NIPBL: variants seen among roughly 807,000 people sequenced by gnomAD.
NIPBL encodes nipped-B-like protein.
Under a neutral mutation model 321.8 loss-of-function variants are expected in NIPBL, and 19 were observed. The observed-to-expected ratio is 0.06, with a 90% CI of 0.04 to 0.09. NIPBL has a LOEUF of 0.09. NIPBL is among the 10% of genes least tolerant of loss of function. NIPBL has a pLI of 1.00. For missense variants in NIPBL, 2,210 were observed against 3,327.0 expected, an observed-to-expected ratio of 0.66 and a Z score of 8.26; for synonymous variants, 1,106 against 1,114.1, an observed-to-expected ratio of 0.99 and a Z score of 0.14.
chr5:37,020,467 T>C lies in NIPBL; in HGVS notation c.5019T>C (p.Arg1673=). 1.2e-6 allele frequency: 2 copies of C among 1,611,354 alleles called. No individual in the cohort carries two copies. The highest frequency in any genetic ancestry group is 2.2e-5 in the South Asian group (2 of 90,994). Residue 1673 remains arginine, a synonymous_variant, in exon 26 of 47, where the codon CGT becomes CGC. Coordinates refer to ENST00000282516, the MANE Select transcript of NIPBL (RefSeq NM_133433.4). ...TETDPSLVFS[R]KFYIAQWFRD... ...GTCTAATTTCTTTCCAGTTTTCTCG[T>C]AAATTCTATATAGCCCAGTGGTTTC... is the stretch of plus-strand genomic sequence containing the variant.
chr5:36,994,458 A>G (rs1453490700), intron 10 of NIPBL, among the ~76,000 whole-genome samples: 1 of 152,178 alleles, frequency 6.6e-6, no homozygotes, highest in Non-Finnish European at 1.5e-5. Flanking sequence ...TATCGTCTTA[A>G]TATTCTTGAT....
intron 7 of NIPBL, 31 bp from the exon 8 acceptor site, chr5:36,971,914 T>G: frequency 6.3e-7 from 1 of 1,590,330 alleles, no homozygotes; most frequent in South Asian, 1.1e-5. Flanking sequence ...CTCCTGTCAT[T>G]CAAAAGATAA....
intron 1 of NIPBL, among the ~76,000 whole-genome samples, chr5:36,945,057 T>C (rs1341741518): frequency 6.6e-6 from 1 of 152,174 alleles, no homozygotes; most frequent in Admixed American, 6.5e-5. Context: ...GCTATTTCTT[T>C]TGCAATATAA....
chr5:37,005,021 T>A (rs541823268), intron 16 of NIPBL, among the ~76,000 whole-genome samples: 30 of 152,294 alleles, frequency 2.0e-4, no homozygotes, highest in African/African-American at 7.2e-4. Context: ...CAGGACAGAT[T>A]TGAATGCAGC....
At chr5:37,007,532 T>A in intron 18 of NIPBL, 58 bp downstream of exon 18, 1 of 1,220,868 alleles carries the variant, frequency 8.2e-7, no homozygotes, top group Non-Finnish European at 1.2e-6. Flanking sequence ...AAGTCTAGTA[T>A]AACCTAGCTC....
intron 45 of NIPBL, among the ~76,000 whole-genome samples, 173 bp downstream of exon 45, chr5:37,061,191 C>G (rs1444094967): frequency 6.6e-6 from 1 of 152,126 alleles, no homozygotes; most frequent in African/African-American, 2.4e-5. Flanking sequence ...TTGTCTTTCC[C>G]ATTGCACCCA....
chr5:36,908,470 A>G (rs1276210551), intron 1 of NIPBL, among the ~76,000 whole-genome samples: 1 of 152,178 alleles, frequency 6.6e-6, no homozygotes, highest in Non-Finnish European at 1.5e-5. Context: ...CTTTCCTAGT[A>G]CTAAAGTCAA....
chr5:37,003,697 ATG>A (rs1294783091), intron 16 of NIPBL, among the ~76,000 whole-genome samples: 1 of 97,220 alleles, frequency 1.0e-5, no homozygotes, highest in Non-Finnish European at 2.0e-5. Flanking sequence ...AATGACTCTC[ATG>A]TGGGGGAAAT....
intron 8 of NIPBL, among the ~76,000 whole-genome samples, chr5:36,974,464 T>C (rs1439836347): frequency 6.6e-6 from 1 of 152,198 alleles, no homozygotes; most frequent in Non-Finnish European, 1.5e-5. Context: ...TAGACAAATC[T>C]TGTTTTAAAT....
intron 3 of NIPBL, among the ~76,000 whole-genome samples, chr5:36,956,315 T>C (rs1740938035): frequency 6.6e-6 from 1 of 152,164 alleles, no homozygotes; most frequent in Non-Finnish European, 1.5e-5. Flanking sequence ...AAATCTCTCA[T>C]TCTTATCCCT....
At chr5:36,940,952 A>C (rs1280197474) in intron 1 of NIPBL, among the ~76,000 whole-genome samples, 3 of 152,150 alleles carry the variant, frequency 2.0e-5, no homozygotes, top group Non-Finnish European at 4.4e-5. Context: ...CATCACCCCT[A>C]CTGGACTCTA....
chr5:36,893,544 T>C (rs1746504723), intron 1 of NIPBL, among the ~76,000 whole-genome samples: 1 of 152,128 alleles, frequency 6.6e-6, no homozygotes, highest in African/African-American at 2.4e-5. Flanking sequence ...TTTAAGTTTC[T>C]CTTTTAGCTG....
chr5:37,017,905 A>G (rs2149693270), intron 24 of NIPBL, among the ~76,000 whole-genome samples: 1 of 152,226 alleles, frequency 6.6e-6, no homozygotes, highest in Non-Finnish European at 1.5e-5. Context: ...TTCCTTTCTC[A>G]TCTTTCAAAA....
At chr5:37,045,422 A>C (rs768880139) in intron 36 of NIPBL, 21 bp from the exon 37 acceptor site, 1 of 1,530,434 alleles carries the variant, frequency 6.5e-7, no homozygotes, top group South Asian at 1.1e-5. Context: ...ATTATAAGTA[A>C]ATATTACTTA....
intron 36 of NIPBL, 57 bp downstream of exon 36, chr5:37,044,786 T>C: frequency 8.2e-7 from 1 of 1,217,308 alleles, no homozygotes. Flanking sequence ...GGGGGTCAGC[T>C]CATTTTAAAC....
At chr5:36,955,699 C>CGTATTCCT (rs1554011110) in intron 3 of NIPBL, 62 bp downstream of exon 3, 1 of 1,331,102 alleles carries the variant, frequency 7.5e-7, no homozygotes, top group Non-Finnish European at 1.1e-6. Context: ...TAAGAGAATC[C>CGTATTCCT]GTATTCCTGG....
intron 40 of NIPBL, 61 bp from the exon 41 acceptor site, chr5:37,051,718 T>C: frequency 4.4e-6 from 5 of 1,138,094 alleles, no homozygotes; most frequent in Non-Finnish European, 6.7e-6. Flanking sequence ...AGTTTTGACA[T>C]ATGTCTAAAT....
At chr5:36,910,404 A>G (rs1284836037) in intron 1 of NIPBL, among the ~76,000 whole-genome samples, 2 of 152,146 alleles carry the variant, frequency 1.3e-5, no homozygotes, top group Non-Finnish European at 1.5e-5. Context: ...CACTATCATC[A>G]TGGGCACCTT....
At chr5:37,049,681 C>A (rs1753321769) in intron 40 of NIPBL, among the ~76,000 whole-genome samples, 1 of 152,124 alleles carries the variant, frequency 6.6e-6, no homozygotes, top group Admixed American at 6.5e-5. Context: ...TCTTAGTCCA[C>A]AGAAAAGTAA....
Sources: allele counts gnomAD v4.1 joint callset (sites outside exome capture counted in the v4.1 genomes callset), GRCh38; gene constraint gnomAD v4.1.1; transcripts MANE v1.5; gene names NCBI Gene and HGNC (gene_info 2026-07-23, HGNC 2026-07-21).